The following RAPGEF6 variants were observed in gnomAD, a reference collection of about 807,000 sequenced individuals.
The protein encoded by RAPGEF6 is PDZ domain containing guanine nucleotide exchange factor (GEF) 2.
RAPGEF6 carries 56 observed loss-of-function variants against 171.4 expected under a neutral mutation model. That is an observed-to-expected ratio of 0.33 (90% CI 0.26 to 0.41). RAPGEF6 has a LOEUF of 0.41. RAPGEF6 is among the 10% of genes least tolerant of loss of function. The pLI is 1.00. For missense variants in RAPGEF6, 1,674 were observed against 1,921.4 expected (o/e 0.87, Z 2.41); for synonymous variants, 692 against 650.1 (o/e 1.06, Z -0.98).
At chr5:131,592,290 TA>T in intron 4 of RAPGEF6, 92 bp downstream of exon 4, 1 of 1,503,330 alleles carries the variant, frequency 6.7e-7, no homozygotes, top group Non-Finnish European at 8.9e-7. Context: ...CAAAGACATT[TA>T]AAAGATGTAT....
Position 131,426,392 on chromosome 5 carries a change from T to C in RAPGEF6, c.*874A>G, listed in dbSNP as rs1580807678. 1 of 152,502 alleles carries C rather than the reference T, an allele frequency of 6.6e-6. No individual in the cohort carries two copies. Among genetic ancestry groups the C allele is most frequent in the East Asian group, 1.9e-4 (1 of 5,328 alleles). 9.4% of individuals were successfully genotyped at this position (152,502 alleles called of 1,614,324 possible). On this transcript the variant is annotated 3_prime_UTR_variant, in exon 28 of 28. Coordinates refer to ENST00000509018, the MANE Select transcript of RAPGEF6 (RefSeq NM_016340.6). ...GAACTCTCTAGAACCCAGTCTCTAT[T>C]TGTTGGATCTATACTTTCAGTTACA...
In RAPGEF6 at chr5:131,611,329, T is replaced by C. The variant is rs142883957; in HGVS notation, c.70-6636A>G. On this transcript the variant is annotated intron_variant, in intron 1 of 27. Coordinates refer to ENST00000509018, the MANE Select transcript of RAPGEF6 (RefSeq NM_016340.6). ...TTCAGTAAATAAATTTTCTATACTT[T>C]TTGTTGGATTTATTCTTAAATATTT... Among the ~76,000 whole-genome samples the C allele has an allele frequency of 3.6e-3, 555 of 152,326 alleles. 3 individuals carry two copies. Among genetic ancestry groups the C allele is most frequent in the African/African-American group, 0.013 (523 of 41,570 alleles).
chr5:131,495,869 C>T (rs891272474), intron 12 of RAPGEF6, among the ~76,000 whole-genome samples: 1 of 152,190 alleles, frequency 6.6e-6, no homozygotes, highest in Admixed American at 6.5e-5. Context: ...AGGACACTGT[C>T]CACTCAGTGA....
chr5:131,460,215 G>A (rs1753819251), intron 19 of RAPGEF6, among the ~76,000 whole-genome samples: 1 of 151,910 alleles, frequency 6.6e-6, no homozygotes, highest in African/African-American at 2.4e-5. Flanking sequence ...TCCCTTCTTT[G>A]GGCTACTGTC....
At chr5:131,466,409 T>C (rs1754350347) in intron 17 of RAPGEF6, among the ~76,000 whole-genome samples, 1 of 152,184 alleles carries the variant, frequency 6.6e-6, no homozygotes, top group East Asian at 1.9e-4. Flanking sequence ...GGTCAGACTG[T>C]TTCAAGATCC....
intron 19 of RAPGEF6, 32 bp from the exon 20 acceptor site, chr5:131,456,044 G>C: frequency 6.3e-7 from 1 of 1,580,024 alleles, no homozygotes. Flanking sequence ...ACATTAAAAA[G>C]AAACTTGGGG....
chr5:131,466,430 G>C (rs1231121144), intron 17 of RAPGEF6, among the ~76,000 whole-genome samples: 2 of 152,110 alleles, frequency 1.3e-5, no homozygotes, highest in Non-Finnish European at 2.9e-5. Context: ...ATCAAAATCA[G>C]ACATACTTCT....
At chr5:131,616,303 T>C (rs1765261125) in intron 1 of RAPGEF6, among the ~76,000 whole-genome samples, 1 of 152,244 alleles carries the variant, frequency 6.6e-6, no homozygotes, top group Non-Finnish European at 1.5e-5. Context: ...GCAGGTATAT[T>C]CTGTGGATTT....
Position 131,495,540 on chromosome 5 carries a change from T to C in RAPGEF6, c.1527+13A>G. The C allele has an allele frequency of 6.2e-7, 1 of 1,605,744 alleles. No individual in the cohort carries two copies. Among genetic ancestry groups the C allele is most frequent in the Non-Finnish European group, 8.5e-7 (1 of 1,172,942 alleles). Reference sequence around the variant, plus strand: ...ACTACACTCTGAAGAATAGAAATTATTTTGAGCCTTACTGTATCTTCCAGA... The same window carrying C: ...ACTACACTCTGAAGAATAGAAATTACTTTGAGCCTTACTGTATCTTCCAGA... On this transcript the variant is annotated intron_variant, in intron 13 of 27. Coordinates refer to ENST00000509018, the MANE Select transcript of RAPGEF6 (RefSeq NM_016340.6).
At chr5:131,620,725 G>T (rs1215353921) in intron 1 of RAPGEF6, among the ~76,000 whole-genome samples, 1 of 151,998 alleles carries the variant, frequency 6.6e-6, no homozygotes, top group Non-Finnish European at 1.5e-5. Context: ...CAAGCAGCTG[G>T]GACTAAAGGC....
At chr5:131,594,639 G>A (rs1763786193) in intron 3 of RAPGEF6, among the ~76,000 whole-genome samples, 1 of 152,204 alleles carries the variant, frequency 6.6e-6, no homozygotes, top group Admixed American at 6.5e-5. Context: ...GGCACTCAAC[G>A]CCAGCCCATG....
intron 15 of RAPGEF6, among the ~76,000 whole-genome samples, chr5:131,485,001 A>C (rs1189868648): frequency 6.6e-6 from 1 of 152,076 alleles, no homozygotes; most frequent in African/African-American, 2.4e-5. Flanking sequence ...ATCACAGCTC[A>C]TTATAGTCTT....
intron 6 of RAPGEF6, among the ~76,000 whole-genome samples, chr5:131,528,323 A>ATTTATATATTATATATATATTTATATAT (rs879860700): frequency 5.5e-5 from 6 of 109,380 alleles, no homozygotes; most frequent in Non-Finnish European, 1.0e-4. Context: ...TTATATATAT[A>ATTTATATATTATATATATATTTATATAT]TATATATATA....
intron 25 of RAPGEF6, among the ~76,000 whole-genome samples, chr5:131,432,437 T>C (rs975756445): frequency 1.8e-4 from 27 of 152,190 alleles, no homozygotes; most frequent in Non-Finnish European, 2.8e-4. Context: ...GCTAACATGG[T>C]GAAACCCTGT....
intron 17 of RAPGEF6, 48 bp downstream of exon 17, chr5:131,472,539 G>T: frequency 6.4e-7 from 1 of 1,574,704 alleles, no homozygotes; most frequent in African/African-American, 1.4e-5. Context: ...CCATCTATTT[G>T]TTCATTTGGT....
At chr5:131,444,059 T>G (rs989681810) in intron 22 of RAPGEF6, among the ~76,000 whole-genome samples, 1 of 152,224 alleles carries the variant, frequency 6.6e-6, no homozygotes, top group African/African-American at 2.4e-5. Flanking sequence ...CCTTAGGTTA[T>G]CCAGGGTGGT....
At chr5:131,520,191 A>G (rs1375599809) in intron 7 of RAPGEF6, among the ~76,000 whole-genome samples, 1 of 152,224 alleles carries the variant, frequency 6.6e-6, no homozygotes, top group East Asian at 1.9e-4. Context: ...AACTTTGTAG[A>G]ACCAGTCTAA....
intron 1 of RAPGEF6, among the ~76,000 whole-genome samples, chr5:131,612,442 T>C (rs1257129226): frequency 6.6e-6 from 1 of 152,040 alleles, no homozygotes; most frequent in African/African-American, 2.4e-5. Context: ...AGGTAAGGTA[T>C]ATTAAATGCA....
In RAPGEF6 at chr5:131,430,858, C is replaced by T. The variant is rs1751657954; in HGVS notation, c.4465+1G>A. On this transcript the variant is annotated splice_donor_variant, in intron 26 of 27. Transcript: ENST00000509018. LOFTEE classifies it high-confidence loss of function. ...CCACAGACAACAAAAACACAACTTA[C>T]CAATCAAGCCCTTTTCTGTACTTGA... 6.3e-7 allele frequency: 1 copy of T among 1,589,766 alleles called. No individual in the cohort carries two copies. Among genetic ancestry groups the T allele is most frequent in the Non-Finnish European group, 8.5e-7 (1 of 1,170,578 alleles).
Sources: gnomAD v4.1 joint callset for allele counts (sites outside exome capture counted in the v4.1 genomes callset) on GRCh38, gnomAD v4.1.1 for gene constraint, MANE v1.5 for transcripts, NCBI Gene and HGNC (gene_info 2026-07-23, HGNC 2026-07-21) for gene names.